Variants in GGNBP2 observed in about 807,000 individuals in gnomAD.
GGNBP2 encodes gametogenetin-binding protein 2.
A neutral mutation model predicts 85.9 loss-of-function variants in GGNBP2; 10 were observed. That is an observed-to-expected ratio of 0.12 (90% CI 0.07 to 0.20). GGNBP2 has a LOEUF of 0.20. GGNBP2 is among the 10% of genes least tolerant of loss of function. The pLI is 1.00. For missense variants in GGNBP2, 595 were observed against 857.8 expected (o/e 0.69, Z 3.83); for synonymous variants, 287 against 285.7 (o/e 1.00, Z -0.05).
intron 2 of GGNBP2, 37 bp from the exon 3 acceptor site, chr17:36,554,783 G>GT: frequency 3.9e-6 from 5 of 1,273,836 alleles, no homozygotes; most frequent in Non-Finnish European, 5.8e-6. Flanking sequence ...TCTCAGAGGG[G>GT]TAAAGTAATT....
Position 36,589,715 on chromosome 17 carries a change from T to A in GGNBP2, c.*304T>A. On this transcript the variant is annotated 3_prime_UTR_variant, in exon 14 of 14. Transcript: ENST00000613102. ...AAAAGTAATGTTGTACTTATAATTC[T>A]GTACAGAAATGACAATGAGCTGAAT... The A allele has an allele frequency of 2.8e-6, 1 of 354,878 alleles. No homozygotes were observed. The highest frequency in any genetic ancestry group is 5.0e-5 in the East Asian group (1 of 19,884). 22.0% of individuals were successfully genotyped at this position (354,878 alleles called of 1,614,324 possible). A position where few individuals can be genotyped will look rare whatever the true frequency, so the allele number is the denominator to read the frequency against.
chr17:36,583,917 G>T (rs1451897198), intron 9 of GGNBP2, among the ~76,000 whole-genome samples: 1 of 152,110 alleles, frequency 6.6e-6, no homozygotes, highest in Non-Finnish European at 1.5e-5. Flanking sequence ...AGAATCCGTT[G>T]GACTATATTG....
At chr17:36,546,638 T>G (rs1365072500) in intron 2 of GGNBP2, 1 of 152,230 alleles carries the variant, frequency 6.6e-6, no homozygotes, top group Non-Finnish European at 1.5e-5. Context: ...GAATTGAATC[T>G]GAACAGGAAA....
intron 6 of GGNBP2, among the ~76,000 whole-genome samples, chr17:36,571,791 C>T (rs1443492223): frequency 6.6e-6 from 1 of 151,952 alleles, no homozygotes; most frequent in African/African-American, 2.4e-5. Context: ...TGCAGTGAGC[C>T]GAGTTTGCGC....
At chr17:36,574,813 C>T (rs2074560391) in intron 6 of GGNBP2, 1 of 670,908 alleles carries the variant, frequency 1.5e-6, no homozygotes, top group Non-Finnish European at 2.7e-6. Flanking sequence ...TGGTGTGGGG[C>T]TTGCTGATCT....
chr17:36,549,115 A>G (rs968767155), intron 2 of GGNBP2, among the ~76,000 whole-genome samples: 1 of 152,224 alleles, frequency 6.6e-6, no homozygotes, highest in Non-Finnish European at 1.5e-5. Context: ...AGAAAGTTTT[A>G]TACTCTGGCT....
At chr17:36,585,988 A>G in intron 11 of GGNBP2, 23 bp downstream of exon 11, 1 of 1,614,012 alleles carries the variant, frequency 6.2e-7, no homozygotes, top group Non-Finnish European at 8.5e-7. Flanking sequence ...TAAGTTTCCC[A>G]GTTATTTCTA....
chr17:36,568,906 C>G (rs1467110851), intron 6 of GGNBP2, among the ~76,000 whole-genome samples: 2 of 152,050 alleles, frequency 1.3e-5, no homozygotes, highest in Admixed American at 6.5e-5. Context: ...CAGGCACATA[C>G]CACTGTGCCC....
At chr17:36,570,267 A>G (rs2074509993) in intron 6 of GGNBP2, among the ~76,000 whole-genome samples, 1 of 152,188 alleles carries the variant, frequency 6.6e-6, no homozygotes, top group African/African-American at 2.4e-5. Context: ...AGTCCTAGCT[A>G]CTGGGGAGGG....
intron 6 of GGNBP2, among the ~76,000 whole-genome samples, chr17:36,571,481 G>A (rs1233743173): frequency 6.6e-6 from 1 of 151,880 alleles, no homozygotes; most frequent in African/African-American, 2.4e-5. Context: ...CCTGAGAGGT[G>A]GAGGTTGCGG....
chr17:36,552,175 T>C (rs1211371413), intron 2 of GGNBP2, among the ~76,000 whole-genome samples: 20 of 152,230 alleles, frequency 1.3e-4, no homozygotes, highest in Admixed American at 1.3e-3. Flanking sequence ...ACCTCCAATA[T>C]TCTGTTGAGT....
chr17:36,581,202 G>A (rs564918464), intron 8 of GGNBP2, 142 bp from the exon 9 acceptor site: 281 of 540,964 alleles, frequency 5.2e-4, no homozygotes, highest in Non-Finnish European at 7.4e-4. Context: ...GGAGAATGGC[G>A]TGAACCCAGG....
At chr17:36,589,072 A>G (rs994233497) in intron 13 of GGNBP2, 136 bp from the exon 14 acceptor site, 15 of 652,880 alleles carry the variant, frequency 2.3e-5, no homozygotes, top group African/African-American at 1.1e-4. Flanking sequence ...TTATTCTGCA[A>G]ACACTCCAAT....
intron 3 of GGNBP2, among the ~76,000 whole-genome samples, chr17:36,555,617 G>A (rs1197292576): frequency 6.6e-6 from 1 of 152,178 alleles, no homozygotes; most frequent in Non-Finnish European, 1.5e-5. Context: ...GATCTCTTGA[G>A]CCCAGGAGGC....
intron 5 of GGNBP2, among the ~76,000 whole-genome samples, chr17:36,563,569 T>C (rs945405734): frequency 3.3e-5 from 5 of 151,114 alleles, no homozygotes; most frequent in African/African-American, 9.8e-5. Context: ...CAGTTCATAC[T>C]TAGATTTTAC....
chr17:36,584,076 C>T (rs2074676917), intron 9 of GGNBP2, among the ~76,000 whole-genome samples: 2 of 152,218 alleles, frequency 1.3e-5, no homozygotes, highest in Non-Finnish European at 2.9e-5. Flanking sequence ...GGCCAAAATT[C>T]TGATTGTTGT....
At chr17:36,576,446 C>T (rs1227232518) in intron 6 of GGNBP2, among the ~76,000 whole-genome samples, 7 of 101,188 alleles carry the variant, frequency 6.9e-5, no homozygotes, top group African/African-American at 1.2e-4. Context: ...CCCAGCGACT[C>T]GGGAGACTGA....
chr17:36,557,038 A>G (rs1872717108), intron 3 of GGNBP2, 45 bp from the exon 4 acceptor site: 1 of 1,608,468 alleles, frequency 6.2e-7, no homozygotes, highest in African/African-American at 1.3e-5. Context: ...GTGTAATTTT[A>G]CGTCTTTTTA....
At chr17:36,570,999 G>T (rs1375930777) in intron 6 of GGNBP2, among the ~76,000 whole-genome samples, 2 of 152,188 alleles carry the variant, frequency 1.3e-5, no homozygotes, top group African/African-American at 4.8e-5. Context: ...AAGCCTGGGT[G>T]ACAGAGTGAG....
Sources: allele counts gnomAD v4.1 joint callset (sites outside exome capture counted in the v4.1 genomes callset), GRCh38; gene constraint gnomAD v4.1.1; transcripts MANE v1.5; gene names NCBI Gene and HGNC (gene_info 2026-07-23, HGNC 2026-07-21).